CELF2: variants seen among roughly 807,000 people sequenced by gnomAD.
CELF2 encodes CUG triplet repeat RNA-binding protein 2.
Under a neutral mutation model 62.6 loss-of-function variants are expected in CELF2, and 8 were observed. The observed-to-expected ratio is 0.13, with a 90% CI of 0.07 to 0.23. The LOEUF (loss-of-function observed/expected upper bound fraction) is 0.23. Among genes scored for constraint, CELF2 ranks in the 10% least tolerant of loss-of-function variants. The pLI, the probability that CELF2 is intolerant of heterozygous loss-of-function variation, is 1.00. For missense variants in CELF2, 333 were observed against 671.0 expected (o/e 0.50, Z 5.56); for synonymous variants, 258 against 250.0 (o/e 1.03, Z -0.30).
chr10:10,825,524 T>G (rs1430303271), intron 1 of CELF2, among the ~76,000 whole-genome samples: 1 of 152,246 alleles, frequency 6.6e-6, no homozygotes, highest in African/African-American at 2.4e-5. Flanking sequence ...ACCGATGTTT[T>G]AAGTGTCCAA....
At chr10:10,664,198 C>T in the CELF2 span, among the ~76,000 whole-genome samples, 2 of 152,068 alleles carry the variant, frequency 1.3e-5, no homozygotes, top group East Asian at 3.9e-4. Flanking sequence ...ATAGGCATAT[C>T]AATATAATAA....
chr10:11,134,598 G>A (rs1376162255), intron 1 of CELF2, among the ~76,000 whole-genome samples: 1 of 152,230 alleles, frequency 6.6e-6, no homozygotes, highest in Non-Finnish European at 1.5e-5. Flanking sequence ...TGGAGCCACA[G>A]ACTGTGTGCC....
intron 2 of CELF2, among the ~76,000 whole-genome samples, chr10:11,174,571 C>A (rs1184947023): frequency 6.6e-6 from 1 of 152,162 alleles, no homozygotes; most frequent in Non-Finnish European, 1.5e-5. Context: ...ACTGGAAGAT[C>A]ATAAATAGGA....
chr10:10,871,010 C>T (rs1335134270), intron 1 of CELF2, among the ~76,000 whole-genome samples: 9 of 152,132 alleles, frequency 5.9e-5, no homozygotes, highest in African/African-American at 2.2e-4. Flanking sequence ...GAGCAACTCC[C>T]TGCTGTTGCG....
At chr10:11,327,544 G>C (rs971825273) in intron 12 of CELF2, among the ~76,000 whole-genome samples, 2 of 152,178 alleles carry the variant, frequency 1.3e-5, no homozygotes, top group East Asian at 3.9e-4. Flanking sequence ...TCATAAGGTA[G>C]TGCCCCGTTC....
chr10:11,182,335 T>C (rs962978846), intron 2 of CELF2, among the ~76,000 whole-genome samples: 4 of 152,188 alleles, frequency 2.6e-5, no homozygotes, highest in Non-Finnish European at 4.4e-5. Flanking sequence ...ACTGCCCTTT[T>C]CCTTTGAGTT....
At chr10:11,210,417 C>T (rs1006541816) in intron 2 of CELF2, among the ~76,000 whole-genome samples, 66 of 152,162 alleles carry the variant, frequency 4.3e-4, no homozygotes, top group Non-Finnish European at 7.3e-5. Context: ...CCATAAGCTC[C>T]GAAACGGAAA....
In CELF2 at chr10:10,842,322, A is replaced by G. The variant is rs2058734836; in HGVS notation, c.53+43505A>G. Among the ~76,000 whole-genome samples the G allele has an allele frequency of 2.0e-5, 3 of 152,172 alleles. No homozygotes were observed. In the South Asian group the frequency reaches 6.2e-4, roughly 32 times the overall value. On this transcript the variant is annotated intron_variant, in intron 1 of 13. Transcript: ENST00000636488. Reference sequence around the variant, plus strand: ...TTTTCTATTAACTAGGATTTCCAGTATGATGCTGAATCAGAGTGATAAGAA... The same window carrying G: ...TTTTCTATTAACTAGGATTTCCAGTGTGATGCTGAATCAGAGTGATAAGAA...
chr10:11,181,732 C>T (rs556570158), intron 2 of CELF2, among the ~76,000 whole-genome samples: 1 of 152,208 alleles, frequency 6.6e-6, no homozygotes, highest in Non-Finnish European at 1.5e-5. Context: ...AGTGTCTTGC[C>T]TTGGGGCTGT....
chr10:10,691,439 C>T, the CELF2 span, among the ~76,000 whole-genome samples: 1 of 147,540 alleles, frequency 6.8e-6, no homozygotes, highest in Non-Finnish European at 1.5e-5. Flanking sequence ...CAAGTCTTTG[C>T]TATTGTGAAT....
At chr10:10,536,004 C>T in the CELF2 span, among the ~76,000 whole-genome samples, 2 of 144,406 alleles carry the variant, frequency 1.4e-5, no homozygotes, top group African/African-American at 5.1e-5. Flanking sequence ...GGGGTGGGGG[C>T]TTCAAGAAAG....
At chr10:10,767,636 A>G in the CELF2 span, among the ~76,000 whole-genome samples, 1 of 152,140 alleles carries the variant, frequency 6.6e-6, no homozygotes, top group African/African-American at 2.4e-5. Context: ...TCACGGGATT[A>G]TCTCCCAAGG....
chr10:10,732,999 A>C, the CELF2 span, among the ~76,000 whole-genome samples: 56 of 152,332 alleles, frequency 3.7e-4, no homozygotes, highest in South Asian at 0.011. Context: ...AGAAATCATC[A>C]AGCAGTGAGG....
the CELF2 span, among the ~76,000 whole-genome samples, chr10:10,686,893 G>A: frequency 6.6e-6 from 1 of 152,170 alleles, no homozygotes; most frequent in African/African-American, 2.4e-5. Flanking sequence ...CCCATGCCCA[G>A]CCTTATCTTC....
the CELF2 span, among the ~76,000 whole-genome samples, chr10:10,620,699 G>A: frequency 6.6e-6 from 1 of 151,574 alleles, no homozygotes; most frequent in Admixed American, 6.6e-5. Context: ...TCAGGAGATT[G>A]AGACTATCCT....
intron 1 of CELF2, among the ~76,000 whole-genome samples, chr10:11,094,994 T>C (rs940936134): frequency 5.9e-5 from 9 of 152,210 alleles, no homozygotes; most frequent in South Asian, 2.1e-4. Flanking sequence ...TTTTATATTT[T>C]TGGTAGAGTA....
rs554667209 is a variant in CELF2 at position 11,295,839 on chromosome 10, C to A, written c.976+7287C>A. ...CTAAAGGAGGAGAGAGCATGCAAAC[C>A]CCTCCCACCCAGAGGGGTTTTGAGG... On this transcript the variant is annotated intron_variant, in intron 9 of 12. Coordinates refer to ENST00000633077, the MANE Select transcript of CELF2 (RefSeq NM_001326342.2). Among the ~76,000 whole-genome samples, 5 of 152,232 alleles carry A rather than the reference C, an allele frequency of 3.3e-5. No homozygotes were observed. In the South Asian group the frequency reaches 8.3e-4, roughly 25 times the overall value.
chr10:11,054,775 T>C (rs2064840010), intron 1 of CELF2, among the ~76,000 whole-genome samples: 1 of 152,180 alleles, frequency 6.6e-6, no homozygotes, highest in African/African-American at 2.4e-5. Flanking sequence ...AGTGCAGTGG[T>C]ACAATCTTGG....
chr10:11,015,392 A>G (rs1164805974), upstream of CELF2, among the ~76,000 whole-genome samples: 2 of 152,192 alleles, frequency 1.3e-5, no homozygotes, highest in Non-Finnish European at 2.9e-5. This position sits in a 1 kb window ranked among gnomAD's most constrained non-coding sequence, Gnocchi z 4.8. Flanking sequence ...TACAAATGGA[A>G]GATTGTTGTC....
Sources: allele counts gnomAD v4.1 joint callset (sites outside exome capture counted in the v4.1 genomes callset), GRCh38; gene constraint gnomAD v4.1.1; non-coding constraint Gnocchi (gnomAD v3.1); transcripts MANE v1.5; gene names NCBI Gene and HGNC (gene_info 2026-07-23, HGNC 2026-07-21).